ILDR2: variants seen among roughly 807,000 people sequenced by gnomAD.
ILDR2 encodes the protein immunoglobulin-like domain-containing receptor 2.
Under a neutral mutation model 66.8 loss-of-function variants are expected in ILDR2, and 25 were observed. The observed-to-expected ratio is 0.37, with a 90% CI of 0.27 to 0.52. ILDR2 has a LOEUF of 0.52. ILDR2 is among the 20% of genes least tolerant of loss of function. The pLI, the probability that ILDR2 is intolerant of heterozygous loss-of-function variation, is 0.88. For synonymous variants in ILDR2, 367 were observed against 357.2 expected (o/e 1.03, Z -0.31); for missense variants, 827 against 876.8 (o/e 0.94, Z 0.72).
Position 166,908,378 on chromosome 1 carries a change from T to C in ILDR2, c.*10977A>G, listed in dbSNP as rs191337250. The C allele has an allele frequency of 1.3e-5, 2 of 152,096 alleles. No homozygotes were observed. Among genetic ancestry groups the C allele is most frequent in the African/African-American group, 4.8e-5 (2 of 41,394 alleles). The allele number at this position is 152,096 out of a possible 1,614,324, so 9.4% of individuals were successfully genotyped here. On this transcript the variant is annotated 3_prime_UTR_variant, in exon 10 of 10. Coordinates refer to ENST00000271417, the MANE Select transcript of ILDR2 (RefSeq NM_199351.3). ...TGTCTCTTCTTATAAGGACACTAAT[T>C]CCATCATAAGAGCTCCACCCTACTG...
chr1:166,964,716 A>C (rs538277164), intron 1 of ILDR2, among the ~76,000 whole-genome samples: 2 of 152,218 alleles, frequency 1.3e-5, no homozygotes, highest in South Asian at 4.2e-4. Context: ...GTCACCAGTC[A>C]CCAGGCTAGG....
chr1:166,922,003 A>G lies in ILDR2; in HGVS notation c.1211+590T>C, dbSNP rs536997236. Reference sequence around the variant, plus strand: ...CACCTGGGTAAGTGCCTTAGCACCTAGAAGTTTCCATTTTCCCAGCTTAAA... The same window carrying G: ...CACCTGGGTAAGTGCCTTAGCACCTGGAAGTTTCCATTTTCCCAGCTTAAA... On this transcript the variant is annotated intron_variant, in intron 8 of 9. Transcript: ENST00000271417. Among the ~76,000 whole-genome samples, 9 of 152,374 alleles carry G rather than the reference A, an allele frequency of 5.9e-5. No homozygotes were observed. The East Asian group carries it at 1.7e-3, about 29-fold the overall frequency.
At chr1:166,960,338 G>A (rs1257817627) in intron 1 of ILDR2, among the ~76,000 whole-genome samples, 1 of 152,172 alleles carries the variant, frequency 6.6e-6, no homozygotes, top group Non-Finnish European at 1.5e-5. Context: ...GGAATTTCTA[G>A]GACTTTGCAG....
intron 1 of ILDR2, 55 bp downstream of exon 1, chr1:166,975,168 A>G (rs746563212): frequency 4.9e-6 from 7 of 1,439,896 alleles, no homozygotes; most frequent in Non-Finnish European, 6.8e-6. Flanking sequence ...CGGTGAGAAC[A>G]GAACCACTAC....
intron 3 of ILDR2, among the ~76,000 whole-genome samples, chr1:166,949,868 C>T (rs1195072785): frequency 6.6e-6 from 1 of 152,134 alleles, no homozygotes; most frequent in Non-Finnish European, 1.5e-5. Context: ...GGAGAGAGTG[C>T]TGGGAGAAAA....
At chr1:166,934,578 C>T (rs1236947135) in intron 6 of ILDR2, among the ~76,000 whole-genome samples, 2 of 152,178 alleles carry the variant, frequency 1.3e-5, no homozygotes, top group Non-Finnish European at 2.9e-5. Flanking sequence ...GGCTCTCACA[C>T]CAAGCCCCAG....
chr1:166,973,813 C>T (rs1220155692), intron 1 of ILDR2, among the ~76,000 whole-genome samples: 2 of 152,018 alleles, frequency 1.3e-5, no homozygotes, highest in Non-Finnish European at 2.9e-5. Flanking sequence ...AGAGATGATT[C>T]ATATCTGAAT....
chr1:166,940,794 A>G (rs1438489138), intron 3 of ILDR2, among the ~76,000 whole-genome samples: 3 of 152,232 alleles, frequency 2.0e-5, no homozygotes, highest in Non-Finnish European at 4.4e-5. Context: ...CCATATAGAT[A>G]TGGCTCATTT....
downstream of ILDR2, among the ~76,000 whole-genome samples, chr1:166,904,529 G>A (rs1430667516): frequency 6.6e-6 from 1 of 152,184 alleles, no homozygotes; most frequent in Non-Finnish European, 1.5e-5. Context: ...GTGTCATGGG[G>A]AATAATGAAC....
At chr1:166,955,733 C>T (rs974840378) in intron 3 of ILDR2, among the ~76,000 whole-genome samples, 1 of 152,166 alleles carries the variant, frequency 6.6e-6, no homozygotes, top group Non-Finnish European at 1.5e-5. Context: ...TCCTAAATAA[C>T]AACTGCCACT....
At chr1:166,942,111 A>C (rs1449206411) in intron 3 of ILDR2, among the ~76,000 whole-genome samples, 1 of 152,230 alleles carries the variant, frequency 6.6e-6, no homozygotes, top group Non-Finnish European at 1.5e-5. Context: ...GTAGTCTACA[A>C]ACAGAAAGAC....
chr1:166,928,658 C>A (rs572929089), intron 6 of ILDR2, among the ~76,000 whole-genome samples: 1 of 152,304 alleles, frequency 6.6e-6, no homozygotes, highest in Admixed American at 6.5e-5. Context: ...ACAAAACCCT[C>A]CCACGCAAGC....
chr1:166,945,077 A>T (rs1322421170), intron 3 of ILDR2, among the ~76,000 whole-genome samples: 1 of 152,172 alleles, frequency 6.6e-6, no homozygotes, highest in African/African-American at 2.4e-5. Flanking sequence ...TGACTTTATC[A>T]ACCTCAGGTG....
chr1:166,955,946 C>G (rs1057388340), intron 3 of ILDR2, among the ~76,000 whole-genome samples: 1 of 152,100 alleles, frequency 6.6e-6, no homozygotes, highest in Admixed American at 6.6e-5. Flanking sequence ...TACAATTATG[C>G]AGTTTCTTTT....
chr1:166,950,080 A>C (rs1661881244), intron 3 of ILDR2, among the ~76,000 whole-genome samples: 1 of 152,252 alleles, frequency 6.6e-6, no homozygotes, highest in African/African-American at 2.4e-5. Context: ...TGAGTTTACA[A>C]ATGAAAATGT....
At position 166,917,743 on chromosome 1, in the gene ILDR2, G is replaced by C. The variant is rs1269045944; in HGVS notation, c.*1612C>G. The C allele has an allele frequency of 5.9e-5, 9 of 152,210 alleles. No homozygotes were observed. The highest frequency in any genetic ancestry group is 1.2e-4 in the Non-Finnish European group (8 of 68,056). The allele number at this position is 152,210 out of a possible 1,614,324, so 9.4% of individuals were successfully genotyped here. A position where few individuals can be genotyped will look rare whatever the true frequency, so the allele number is the denominator to read the frequency against. ...CGCCTCGAGTAGGAATCAGAAATTT[G>C]GGCTGGGTTCAGCTAGGCAGTTCTT... On this transcript the variant is annotated 3_prime_UTR_variant, in exon 10 of 10. Transcript: ENST00000271417.
chr1:166,942,525 C>A (rs1661366441), intron 3 of ILDR2, among the ~76,000 whole-genome samples: 2 of 152,184 alleles, frequency 1.3e-5, no homozygotes, highest in African/African-American at 4.8e-5. Context: ...GCAACCAGTT[C>A]ATTATTTTTA....
In ILDR2 at chr1:166,936,027, G is replaced by C. The variant is rs1415119985; in HGVS notation, c.704-550C>G. ...TGCCTCTCTCTTTCAAGATGTGTTT[G>C]GTTTATGGGAGGGGTACCAAACTTA... On this transcript the variant is annotated intron_variant, in intron 5 of 9. Coordinates refer to ENST00000271417, the MANE Select transcript of ILDR2 (RefSeq NM_199351.3). This position sits in a 1 kb window ranked among gnomAD's most constrained non-coding sequence, Gnocchi z 5.0. Among the ~76,000 whole-genome samples the C allele has an allele frequency of 2.0e-5, 3 of 152,162 alleles. No homozygotes were observed. Among genetic ancestry groups the C allele is most frequent in the Admixed American group, 2.0e-4 (3 of 15,280 alleles).
downstream of ILDR2, among the ~76,000 whole-genome samples, chr1:166,905,690 A>C (rs986768147): frequency 1.3e-5 from 2 of 152,300 alleles, no homozygotes; most frequent in African/African-American, 4.8e-5. Flanking sequence ...GCTGATAAAA[A>C]CACATACAAA....
Sources: allele counts gnomAD v4.1 joint callset (sites outside exome capture counted in the v4.1 genomes callset), GRCh38; gene constraint gnomAD v4.1.1; non-coding constraint Gnocchi (gnomAD v3.1); transcripts MANE v1.5; gene names NCBI Gene and HGNC (gene_info 2026-07-23, HGNC 2026-07-21).